The following P4HA1 variants were observed in gnomAD, a reference collection of about 807,000 sequenced individuals.
The protein encoded by P4HA1 is prolyl 4-hydroxylase subunit alpha-1.
P4HA1 carries 24 observed loss-of-function variants against 72.8 expected under a neutral mutation model. The ratio of observed to expected loss-of-function variants is 0.33; its 90% CI spans 0.24 to 0.46. The LOEUF is 0.46. P4HA1 is among the 20% of genes least tolerant of loss of function. The pLI is 1.00. For missense variants in P4HA1, 446 were observed against 640.6 expected, an observed-to-expected ratio of 0.70 and a Z score of 3.28; for synonymous variants, 201 against 218.8, an observed-to-expected ratio of 0.92 and a Z score of 0.72.
rs931796559 is a variant in P4HA1 at position 73,059,691 on chromosome 10, T to C, written c.464-6101A>G. On this transcript the variant is annotated intron_variant, in intron 5 of 14. Coordinates refer to ENST00000394890, the MANE Select transcript of P4HA1 (RefSeq NM_001017962.3). ...CCGGGAGGCAGAGCTTGCAGTGAGC[T>C]GAGATCACGCCACTGCACTCCAGCC... Among the ~76,000 whole-genome samples the C allele has an allele frequency of 6.0e-5, 9 of 150,476 alleles. No homozygotes were observed. The East Asian group carries it at 1.7e-3, about 29-fold the overall frequency.
At chr10:73,037,577 T>A (rs1216631253) in intron 9 of P4HA1, among the ~76,000 whole-genome samples, 73 of 116,382 alleles carry the variant, frequency 6.3e-4, no homozygotes, top group African/African-American at 1.8e-3. Context: ...ATATATTTTT[T>A]TTTTTTTTTT....
At position 73,085,904 on chromosome 10, in the gene P4HA1, G is replaced by T. The variant is rs113116855; in HGVS notation, c.-33+10862C>A. On this transcript the variant is annotated intron_variant, in intron 1 of 14. Transcript: ENST00000394890. ...TCTACTTGGGAGACTGAGGCAGGAG[G>T]ATCACTGGAGTCTAGGAGTTTGAGC... Among the ~76,000 whole-genome samples, 14 of 152,258 alleles carry T rather than the reference G, an allele frequency of 9.2e-5. 1 individual carries two copies. Among genetic ancestry groups the T allele is most frequent in the African/African-American group, 3.4e-4 (14 of 41,528 alleles).
chr10:73,043,671 G>A (rs1840787995), intron 9 of P4HA1, among the ~76,000 whole-genome samples: 1 of 152,164 alleles, frequency 6.6e-6, no homozygotes, highest in Admixed American at 6.5e-5. Context: ...AGCCTCAACA[G>A]ACATTATGTA....
chr10:73,063,230 C>A (rs946108369), intron 5 of P4HA1, among the ~76,000 whole-genome samples: 1 of 152,160 alleles, frequency 6.6e-6, no homozygotes, highest in African/African-American at 2.4e-5. Context: ...AAAGCACCAG[C>A]GGGTTCAATT....
intron 5 of P4HA1, among the ~76,000 whole-genome samples, chr10:73,063,159 T>TA (rs1841348166): frequency 6.6e-6 from 1 of 152,190 alleles, no homozygotes; most frequent in African/African-American, 2.4e-5. Flanking sequence ...AAGGACTGGA[T>TA]AATTTATAAA....
At chr10:73,061,451 TA>T (rs1322418588) in intron 5 of P4HA1, among the ~76,000 whole-genome samples, 1 of 151,724 alleles carries the variant, frequency 6.6e-6, no homozygotes, top group Non-Finnish European at 1.5e-5. Flanking sequence ...GAAAAGGGAA[TA>T]AAAGGGACTT....
chr10:73,077,170 T>C (rs1414763225), intron 1 of P4HA1, among the ~76,000 whole-genome samples: 2 of 152,260 alleles, frequency 1.3e-5, no homozygotes, highest in Non-Finnish European at 2.9e-5. Flanking sequence ...GCCTGAGCTG[T>C]CTGAAGAAGA....
intron 10 of P4HA1, among the ~76,000 whole-genome samples, chr10:73,023,711 A>T (rs1253318370): frequency 1.3e-5 from 2 of 152,046 alleles, no homozygotes; most frequent in Non-Finnish European, 2.9e-5. Context: ...CAAATTGGAT[A>T]AAGAGTCAAG....
intron 5 of P4HA1, among the ~76,000 whole-genome samples, chr10:73,067,289 C>G (rs1841447623): frequency 1.3e-5 from 2 of 152,324 alleles, no homozygotes; most frequent in Admixed American, 6.5e-5. Flanking sequence ...CCACCTCTTA[C>G]TTAAATATTT....
intron 7 of P4HA1, among the ~76,000 whole-genome samples, chr10:73,050,844 A>G (rs755213321): frequency 3.3e-5 from 5 of 152,146 alleles, no homozygotes; most frequent in Non-Finnish European, 7.4e-5. Flanking sequence ...AGCTAAGACT[A>G]CAAGTGTACA....
At chr10:73,068,098 G>C (rs924028284) in intron 5 of P4HA1, among the ~76,000 whole-genome samples, 1 of 152,090 alleles carries the variant, frequency 6.6e-6, no homozygotes, top group Non-Finnish European at 1.5e-5. Context: ...TTATATTCCA[G>C]CTTAACAGAA....
At chr10:73,096,066 G>A (rs983284293) in intron 1 of P4HA1, among the ~76,000 whole-genome samples, 1 of 152,244 alleles carries the variant, frequency 6.6e-6, no homozygotes, top group South Asian at 2.1e-4. Context: ...TTTAAAAAAA[G>A]TTATGGGGAA....
chr10:73,025,486 T>G (rs916492046), intron 10 of P4HA1, among the ~76,000 whole-genome samples: 1 of 152,098 alleles, frequency 6.6e-6, no homozygotes, highest in Non-Finnish European at 1.5e-5. Flanking sequence ...GAGCTATTTA[T>G]GACAAACCCA....
At chr10:73,056,509 G>A (rs2133105202) in intron 5 of P4HA1, among the ~76,000 whole-genome samples, 1 of 152,164 alleles carries the variant, frequency 6.6e-6, no homozygotes, top group Non-Finnish European at 1.5e-5. Flanking sequence ...GCGGGTGCCT[G>A]TAATCCCAGC....
At chr10:73,079,426 G>A (rs1220224351) in intron 1 of P4HA1, among the ~76,000 whole-genome samples, 1 of 152,030 alleles carries the variant, frequency 6.6e-6, no homozygotes, top group African/African-American at 2.4e-5. Flanking sequence ...TAGCCTGGGT[G>A]ACAGAGACTC....
intron 9 of P4HA1, among the ~76,000 whole-genome samples, chr10:73,034,357 A>C (rs79429472): frequency 0.07 from 10,645 of 152,200 alleles, 623 homozygotes; most frequent in East Asian, 0.29. Flanking sequence ...GTACATTTAC[A>C]ATACCTTACA....
Position 73,073,723 on chromosome 10 carries a change from T to C in P4HA1, c.173+8A>G, listed in dbSNP as rs1841623485. 2 of 1,257,702 alleles carry C rather than the reference T, an allele frequency of 1.6e-6. No homozygotes were observed. Among genetic ancestry groups the C allele is most frequent in the Non-Finnish European group, 2.3e-6 (2 of 855,330 alleles). 77.9% of individuals were successfully genotyped at this position (1,257,702 alleles called of 1,614,324 possible). On this transcript the variant is annotated splice_region_variant and intron_variant, in intron 3 of 14. Coordinates refer to ENST00000394890, the MANE Select transcript of P4HA1 (RefSeq NM_001017962.3). ...GTCAGAGTCATAATAAGCAAACATT[T>C]TGCTTACTTTTTTATTTGTTCTAAC...
intron 3 of P4HA1, among the ~76,000 whole-genome samples, chr10:73,072,928 G>C (rs537783964): frequency 6.6e-6 from 1 of 152,232 alleles, no homozygotes; most frequent in South Asian, 2.1e-4. Context: ...CCAGCACTCT[G>C]GGAGGCTGAG....
At chr10:73,087,274 T>TC in intron 1 of P4HA1, among the ~76,000 whole-genome samples, 1 of 150,436 alleles carries the variant, frequency 6.6e-6, no homozygotes, top group East Asian at 1.9e-4. Context: ...CTTTATTTTT[T>TC]TTTTTTTTTT....
Sources: allele counts gnomAD v4.1 joint callset (sites outside exome capture counted in the v4.1 genomes callset), GRCh38; gene constraint gnomAD v4.1.1; transcripts MANE v1.5; gene names NCBI Gene and HGNC (gene_info 2026-07-23, HGNC 2026-07-21).